GRIK3: variants seen among roughly 807,000 people sequenced by gnomAD.
The protein encoded by GRIK3 is glutamate receptor ionotropic, kainate 3.
A neutral mutation model predicts 102.5 loss-of-function variants in GRIK3; 29 were observed. That is an observed-to-expected ratio of 0.28 (90% CI 0.21 to 0.39). The LOEUF is 0.39. Among genes scored for constraint, GRIK3 ranks in the 10% least tolerant of loss-of-function variants. The pLI, the probability that GRIK3 is intolerant of heterozygous loss-of-function variation, is 1.00. For synonymous variants in GRIK3, 511 were observed against 504.9 expected (o/e 1.01, Z -0.16); for missense variants, 908 against 1,252.4 (o/e 0.73, Z 4.15).
intron 1 of GRIK3, among the ~76,000 whole-genome samples, chr1:36,894,012 T>C (rs1374418956): frequency 6.6e-6 from 1 of 152,228 alleles, no homozygotes; most frequent in Non-Finnish European, 1.5e-5. Context: ...TTTTGATAAT[T>C]GATTTTGTTG....
chr1:36,824,388 G>A (rs1443715813), intron 11 of GRIK3, among the ~76,000 whole-genome samples: 3 of 152,204 alleles, frequency 2.0e-5, no homozygotes, highest in Admixed American at 1.3e-4. Flanking sequence ...GCCTCTCTGT[G>A]GCAGGCTCAG....
In GRIK3 at chr1:36,817,055, C is replaced by G; in HGVS notation, c.2091+5G>C. On this transcript the variant is annotated splice_donor_5th_base_variant and intron_variant, in intron 13 of 15. Coordinates refer to ENST00000373091, the MANE Select transcript of GRIK3 (RefSeq NM_000831.4). ...GGTGCTGCAATAGGAGGGAGAGGGC[C>G]TCACCTTGAAGAAGGTCATGGTGGC... 6.2e-7 allele frequency: 1 copy of G among 1,602,538 alleles called. No individual in the cohort carries two copies.
At chr1:37,023,632 G>A (rs958450819) in intron 1 of GRIK3, among the ~76,000 whole-genome samples, 3 of 152,330 alleles carry the variant, frequency 2.0e-5, no homozygotes, top group African/African-American at 7.2e-5. Context: ...TTTTTAATGT[G>A]TTTATGGCAG....
At chr1:36,881,142 T>C (rs1640972121) in intron 2 of GRIK3, among the ~76,000 whole-genome samples, 1 of 152,066 alleles carries the variant, frequency 6.6e-6, no homozygotes, top group Non-Finnish European at 1.5e-5. Flanking sequence ...CCAGGGTACG[T>C]CCCTTTTCCT....
In GRIK3 at chr1:36,872,808, C is replaced by T. The variant is rs1640857903; in HGVS notation, c.551-439G>A. Among the ~76,000 whole-genome samples, 1 of 152,186 alleles carries T rather than the reference C, an allele frequency of 6.6e-6. No homozygotes were observed. The highest frequency in any genetic ancestry group is 2.4e-5 in the African/African-American group (1 of 41,444). On this transcript the variant is annotated intron_variant, in intron 3 of 15. Transcript: ENST00000373091. This position sits in a 1 kb window ranked among gnomAD's most constrained non-coding sequence, Gnocchi z 5.9. ...CACCCCTCTTCTTCTGTACCCACCC[C>T]CAACATTGTGAGACATGGGACATGA...
intron 13 of GRIK3, among the ~76,000 whole-genome samples, chr1:36,809,167 A>T (rs574713031): frequency 6.6e-6 from 1 of 151,554 alleles, no homozygotes; most frequent in East Asian, 1.9e-4. Flanking sequence ...CCATCCATCC[A>T]TCCATCCATC....
intron 2 of GRIK3, among the ~76,000 whole-genome samples, chr1:36,883,754 C>T (rs1024321494): frequency 2.0e-5 from 3 of 152,290 alleles, no homozygotes; most frequent in African/African-American, 7.2e-5. Flanking sequence ...GTCCCTCTCG[C>T]CTGGGCTTAA....
At chr1:36,937,710 G>A (rs1474193747) in intron 1 of GRIK3, among the ~76,000 whole-genome samples, 1 of 152,078 alleles carries the variant, frequency 6.6e-6, no homozygotes, top group African/African-American at 2.4e-5. Context: ...GAAAATAAAC[G>A]AACTCTTTGG....
At chr1:37,017,314 A>G (rs1434265436) in intron 1 of GRIK3, among the ~76,000 whole-genome samples, 2 of 139,832 alleles carry the variant, frequency 1.4e-5, no homozygotes, top group African/African-American at 5.4e-5. Context: ...CAGGAGGATA[A>G]CTTGAGCCCA....
rs147871793 is a variant in GRIK3, at chr1:36,857,698, T to A, written c.1104+1410A>T. On this transcript the variant is annotated intron_variant, in intron 7 of 15. Coordinates refer to ENST00000373091, the MANE Select transcript of GRIK3 (RefSeq NM_000831.4). ...TATCCACATTTATTGTTCTACTGTG[T>A]GAGAGGAGCTGTACTTGGCCTCATC... 9.1e-3 allele frequency among the ~76,000 whole-genome samples: 1,383 copies of A among 152,362 alleles called. 8 individuals carry two copies. Among genetic ancestry groups the A allele is most frequent in the Non-Finnish European group, 0.014 (946 of 68,032 alleles).
chr1:37,006,294 C>T (rs1339389804), intron 1 of GRIK3, among the ~76,000 whole-genome samples: 2 of 152,236 alleles, frequency 1.3e-5, no homozygotes, highest in Non-Finnish European at 2.9e-5. Context: ...CCTTAGCCCT[C>T]TGGCACCCAC....
Position 36,872,832 on chromosome 1 carries a change from G to A in GRIK3, c.551-463C>T, listed in dbSNP as rs1640858215. Among the ~76,000 whole-genome samples, 1 of 152,188 alleles carries A rather than the reference G, an allele frequency of 6.6e-6. No individual in the cohort carries two copies. The highest frequency in any genetic ancestry group is 2.4e-5 in the African/African-American group (1 of 41,432). Reference sequence around the variant, plus strand: ...CCCAACATTGTGAGACATGGGACATGATTTCCCTCAACATCTCCAGCGAGC... The same window carrying A: ...CCCAACATTGTGAGACATGGGACATAATTTCCCTCAACATCTCCAGCGAGC... On this transcript the variant is annotated intron_variant, in intron 3 of 15. Coordinates refer to ENST00000373091, the MANE Select transcript of GRIK3 (RefSeq NM_000831.4). This position sits in a 1 kb window ranked among gnomAD's most constrained non-coding sequence, Gnocchi z 5.9.
At chr1:36,888,073 G>A (rs1557714722) in intron 2 of GRIK3, among the ~76,000 whole-genome samples, 3 of 152,044 alleles carry the variant, frequency 2.0e-5, no homozygotes, top group Admixed American at 1.3e-4. Context: ...GTATACATGT[G>A]CATCACAAGA....
At chr1:36,823,191 C>T (rs961495166) in intron 11 of GRIK3, among the ~76,000 whole-genome samples, 7 of 152,064 alleles carry the variant, frequency 4.6e-5, no homozygotes, top group African/African-American at 7.2e-5. Context: ...CAAAATTAAA[C>T]GGCCAGGCGT....
intron 1 of GRIK3, among the ~76,000 whole-genome samples, chr1:37,028,219 C>G (rs148728470): frequency 6.6e-6 from 1 of 152,124 alleles, no homozygotes; most frequent in East Asian, 1.9e-4. Context: ...GACACAGACA[C>G]GAGGCCCTTG....
At chr1:36,906,779 T>C (rs2124290395) in intron 1 of GRIK3, among the ~76,000 whole-genome samples, 1 of 152,300 alleles carries the variant, frequency 6.6e-6, no homozygotes, top group East Asian at 1.9e-4. Flanking sequence ...TGAAGAGATG[T>C]TTCATGGGTA....
chr1:36,833,356 T>C (rs900009988), intron 10 of GRIK3, among the ~76,000 whole-genome samples: 1 of 152,164 alleles, frequency 6.6e-6, no homozygotes, highest in African/African-American at 2.4e-5. Flanking sequence ...GACCTGTCAG[T>C]GGACCCTAGC....
intron 7 of GRIK3, among the ~76,000 whole-genome samples, chr1:36,857,438 C>A (rs1332956084): frequency 6.6e-6 from 1 of 152,206 alleles, no homozygotes; most frequent in Non-Finnish European, 1.5e-5. Context: ...GAGAAGGGAT[C>A]ATCAGGCCCT....
At chr1:36,856,837 A>G (rs111598546) in intron 7 of GRIK3, among the ~76,000 whole-genome samples, 6,921 of 152,182 alleles carry the variant, frequency 0.045, 542 homozygotes, top group African/African-American at 0.16. Flanking sequence ...GTTGAGGGGC[A>G]AAGTGTAAAC....
Sources: gnomAD v4.1 joint callset for allele counts (sites outside exome capture counted in the v4.1 genomes callset) on GRCh38, gnomAD v4.1.1 for gene constraint, Gnocchi (gnomAD v3.1) non-coding constraint, MANE v1.5 for transcripts, NCBI Gene and HGNC (gene_info 2026-07-23, HGNC 2026-07-21) for gene names.